The following PTPRG variants were observed in gnomAD, a reference collection of about 807,000 sequenced individuals.
The protein encoded by PTPRG is protein tyrosine phosphatase receptor type G.
PTPRG carries 102 observed loss-of-function variants against 165.3 expected under a neutral mutation model. That is an observed-to-expected ratio of 0.62 (90% CI 0.53 to 0.73). The LOEUF is 0.73. Among genes scored for constraint, PTPRG ranks in the 30% least tolerant of loss-of-function variants. The pLI is 0.00. For synonymous variants in PTPRG, 675 were observed against 669.5 expected (o/e 1.01, Z -0.13); for missense variants, 1,866 against 1,861.4 (o/e 1.00, Z -0.05).
chr3:61,741,951 A>G (rs1398095793), intron 1 of PTPRG, among the ~76,000 whole-genome samples: 1 of 152,326 alleles, frequency 6.6e-6, no homozygotes, highest in Non-Finnish European at 1.5e-5. Context: ...CCCTATGGAT[A>G]TATTATGTAA....
chr3:61,746,902 C>A lies in PTPRG; in HGVS notation c.86-1976C>A, dbSNP rs6796646. 1.3e-3 allele frequency among the ~76,000 whole-genome samples: 199 copies of A among 152,230 alleles called. 1 individual carries two copies. Among genetic ancestry groups the A allele is most frequent in the African/African-American group, 4.7e-3 (195 of 41,526 alleles). On this transcript the variant is annotated intron_variant, in intron 1 of 29. Coordinates refer to ENST00000474889, the MANE Select transcript of PTPRG (RefSeq NM_002841.4). The stretch of plus-strand genomic sequence containing the variant: ...GTGCAGTGGCTCACACCTGCCATCC[C>A]AACACTTTGGGAGGACCAGGTGAGA...
chr3:61,714,503 A>G (rs1293655502), intron 1 of PTPRG, among the ~76,000 whole-genome samples: 2 of 152,198 alleles, frequency 1.3e-5, no homozygotes, highest in Non-Finnish European at 2.9e-5. Flanking sequence ...GAGAGCCACA[A>G]GATAGAAGCA....
At chr3:61,870,085 C>G (rs746843530) in intron 2 of PTPRG, among the ~76,000 whole-genome samples, 1 of 151,488 alleles carries the variant, frequency 6.6e-6, no homozygotes, top group Admixed American at 6.6e-5. Flanking sequence ...CACCTTGGGG[C>G]TTAAGTTTCA....
At chr3:61,595,284 C>T (rs886792833) in intron 1 of PTPRG, among the ~76,000 whole-genome samples, 1 of 136,406 alleles carries the variant, frequency 7.3e-6, no homozygotes, top group East Asian at 2.1e-4. Flanking sequence ...TACATATTAA[C>T]GTTGTACTTC....
At chr3:61,824,178 G>A (rs1004311049) in intron 2 of PTPRG, among the ~76,000 whole-genome samples, 2 of 152,116 alleles carry the variant, frequency 1.3e-5, no homozygotes, top group African/African-American at 4.8e-5. Flanking sequence ...AGATTTGAGT[G>A]AGAGATTTTG....
intron 2 of PTPRG, among the ~76,000 whole-genome samples, chr3:61,950,406 T>A (rs1340573703): frequency 6.6e-6 from 1 of 152,214 alleles, no homozygotes; most frequent in Non-Finnish European, 1.5e-5. Flanking sequence ...TCTTATGTTT[T>A]TTGCCCCCAT....
chr3:62,185,346 G>C (rs1045448284), intron 8 of PTPRG, among the ~76,000 whole-genome samples: 1 of 152,180 alleles, frequency 6.6e-6, no homozygotes, highest in African/African-American at 2.4e-5. Context: ...TGGTTAAAAG[G>C]CTTCAATTTT....
intron 2 of PTPRG, among the ~76,000 whole-genome samples, chr3:61,841,418 AAG>A (rs2036629590): frequency 6.6e-6 from 1 of 152,228 alleles, no homozygotes; most frequent in African/African-American, 2.4e-5. Flanking sequence ...TTTTAAAAGA[AAG>A]AGAAAAAAAT....
At chr3:61,620,859 C>T (rs965610352) in intron 1 of PTPRG, among the ~76,000 whole-genome samples, 2 of 151,764 alleles carry the variant, frequency 1.3e-5, no homozygotes, top group African/African-American at 4.8e-5. Flanking sequence ...GAACTCCTGA[C>T]CTCTGGTGAT....
At chr3:62,138,185 T>A (rs1357599924) in intron 6 of PTPRG, among the ~76,000 whole-genome samples, 1 of 152,218 alleles carries the variant, frequency 6.6e-6, no homozygotes, top group African/African-American at 2.4e-5. Context: ...TTGCTTGAAT[T>A]TGCTTTTTGT....
rs191925788 is a variant in PTPRG at position 61,575,660 on chromosome 3, G to A, written c.85+13288G>A. Among the ~76,000 whole-genome samples the A allele has an allele frequency of 3.0e-3, 434 of 146,972 alleles. 1 individual carries two copies. The highest frequency in any genetic ancestry group is 0.01 in the African/African-American group (404 of 39,444). On this transcript the variant is annotated intron_variant, in intron 1 of 29. Transcript: ENST00000474889. Reference sequence around the variant, plus strand: ...TTTGTCACCCAGACTGTTCAGTGGCGCACTTTCGGCTCGCTGAAACCTCTG... The same window carrying A: ...TTTGTCACCCAGACTGTTCAGTGGCACACTTTCGGCTCGCTGAAACCTCTG...
intron 1 of PTPRG, among the ~76,000 whole-genome samples, chr3:61,598,379 A>G (rs1310294359): frequency 6.6e-6 from 1 of 152,206 alleles, no homozygotes; most frequent in Admixed American, 6.5e-5. Context: ...CAGCGCAGCT[A>G]GTGTCTGTCC....
chr3:61,886,982 A>G (rs1173454666), intron 2 of PTPRG, among the ~76,000 whole-genome samples: 2 of 151,376 alleles, frequency 1.3e-5, no homozygotes, highest in Non-Finnish European at 2.9e-5. Context: ...ATGGACGATC[A>G]AGCAAACCAG....
chr3:61,992,514 C>G (rs1203227141), intron 3 of PTPRG, among the ~76,000 whole-genome samples: 2 of 152,042 alleles, frequency 1.3e-5, no homozygotes, highest in Admixed American at 1.3e-4. Context: ...CAGCCACCTC[C>G]ATGCCCGGCT....
chr3:61,752,657 G>C (rs895308037), intron 2 of PTPRG, among the ~76,000 whole-genome samples: 1 of 151,450 alleles, frequency 6.6e-6, no homozygotes, highest in African/African-American at 2.4e-5. Context: ...GTGGTGGCGG[G>C]CACCTATAAT....
At chr3:61,700,322 A>G (rs1336350963) in intron 1 of PTPRG, among the ~76,000 whole-genome samples, 2 of 152,196 alleles carry the variant, frequency 1.3e-5, no homozygotes, top group African/African-American at 2.4e-5. Flanking sequence ...TGATACCTGC[A>G]AGTAAATAGA....
At chr3:62,080,483 A>G (rs1409613208) in intron 5 of PTPRG, among the ~76,000 whole-genome samples, 1 of 152,178 alleles carries the variant, frequency 6.6e-6, no homozygotes, top group East Asian at 1.9e-4. Flanking sequence ...GTTTTCTGTC[A>G]TCGTTCCCTT....
At chr3:61,953,156 A>G (rs1173512334) in intron 2 of PTPRG, among the ~76,000 whole-genome samples, 2 of 151,878 alleles carry the variant, frequency 1.3e-5, no homozygotes, top group African/African-American at 2.4e-5. Context: ...CCTCCTCCCA[A>G]CCTGCTTCAC....
rs968018457 is a variant in PTPRG, at chr3:62,271,889, A to G, written c.3182+334A>G. Among the ~76,000 whole-genome samples, 2 of 152,120 alleles carry G rather than the reference A, an allele frequency of 1.3e-5. No individual in the cohort carries two copies. The highest frequency in any genetic ancestry group is 2.9e-5 in the Non-Finnish European group (2 of 68,028). Reference sequence around the variant, plus strand: ...TGGATCACTTGAGCCCAGGAGTTTGAGACCAGCCTGGGCAACAAAGTGACA... The same window carrying G: ...TGGATCACTTGAGCCCAGGAGTTTGGGACCAGCCTGGGCAACAAAGTGACA... On this transcript the variant is annotated intron_variant, in intron 21 of 29. Transcript: ENST00000474889. The surrounding 1 kb of genome is among the most constrained non-coding windows in gnomAD (Gnocchi z 4.1).
Sources: gnomAD v4.1 joint callset for allele counts (sites outside exome capture counted in the v4.1 genomes callset) on GRCh38, gnomAD v4.1.1 for gene constraint, Gnocchi (gnomAD v3.1) non-coding constraint, MANE v1.5 for transcripts, NCBI Gene and HGNC (gene_info 2026-07-23, HGNC 2026-07-21) for gene names.